SLC35F5: variants seen among roughly 807,000 people sequenced by gnomAD.
SLC35F5 encodes solute carrier family 35 member F5.
SLC35F5 carries 54 observed loss-of-function variants against 68.6 expected under a neutral mutation model. The observed-to-expected ratio is 0.79, with a 90% CI of 0.63 to 0.99. The LOEUF (loss-of-function observed/expected upper bound fraction) is 0.99, where lower values mean the gene tolerates loss of function less well. Among genes scored for constraint, SLC35F5 ranks in the 50% least tolerant of loss-of-function variants. The pLI, the probability that SLC35F5 is intolerant of heterozygous loss-of-function variation, is 0.00. For missense variants in SLC35F5, 567 were observed against 626.9 expected, an observed-to-expected ratio of 0.90 and a Z score of 1.02; for synonymous variants, 211 against 205.2, an observed-to-expected ratio of 1.03 and a Z score of -0.24.
At chr2:113,747,955 G>A (rs1272386538) in intron 4 of SLC35F5, among the ~76,000 whole-genome samples, 1 of 152,060 alleles carries the variant, frequency 6.6e-6, no homozygotes, top group Admixed American at 6.6e-5. Flanking sequence ...AGCCGGGCAT[G>A]GTGGCGGGCA....
Position 113,715,114 on chromosome 2 carries a change from T to A in SLC35F5, c.*104A>T. 1 of 152,350 alleles carries A rather than the reference T, an allele frequency of 6.6e-6. No homozygotes were observed. Among genetic ancestry groups the A allele is most frequent in the Non-Finnish European group, 1.5e-5 (1 of 68,020 alleles). 9.4% of individuals were successfully genotyped at this position (152,350 alleles called of 1,614,324 possible). A position where few individuals can be genotyped will look rare whatever the true frequency, so the allele number is the denominator to read the frequency against. On this transcript the variant is annotated 3_prime_UTR_variant, in exon 16 of 16. Transcript: ENST00000245680. ...GAGTTTCAAAGAACTCAAACTGTTA[T>A]TTTTCAGACTAGGCACTGAAACATT...
rs994643877 is a variant in SLC35F5 at position 113,710,233 on chromosome 2, T to C, written c.*4985A>G. ...ACTTAGGAGTATGCATATTAAAATA[T>C]ATATATAACTTAACACTATGCTACT... is the stretch of plus-strand genomic sequence containing the variant. On this transcript the variant is annotated 3_prime_UTR_variant, in exon 16 of 16. Transcript: ENST00000245680. 6.6e-6 allele frequency among the ~76,000 whole-genome samples: 1 copy of C among 152,204 alleles called. No individual in the cohort carries two copies. Among genetic ancestry groups the C allele is most frequent in the Non-Finnish European group, 1.5e-5 (1 of 68,028 alleles).
At chr2:113,751,318 G>A (rs558875733) in intron 3 of SLC35F5, among the ~76,000 whole-genome samples, 35 of 152,258 alleles carry the variant, frequency 2.3e-4, no homozygotes, top group African/African-American at 8.2e-4. Flanking sequence ...TCAAGGTTAT[G>A]GACGTTTCCC....
downstream of SLC35F5, chr2:113,703,738 G>A (rs1686739256): frequency 6.6e-6 from 1 of 152,138 alleles, no homozygotes; most frequent in African/African-American, 2.4e-5. Flanking sequence ...ACGGCCCTGA[G>A]AAGAAAAACT....
chr2:113,743,147 T>C (rs1230160706), intron 6 of SLC35F5, among the ~76,000 whole-genome samples: 2 of 152,250 alleles, frequency 1.3e-5, no homozygotes, highest in Admixed American at 6.5e-5. Flanking sequence ...GTACTGTATA[T>C]ACATAACTGC....
At position 113,744,397 on chromosome 2, in the gene SLC35F5, T is replaced by C. The variant is rs185510993; in HGVS notation, c.481-603A>G. Among the ~76,000 whole-genome samples, 71 of 152,328 alleles carry C rather than the reference T, an allele frequency of 4.7e-4. No individual in the cohort carries two copies. In the East Asian group the frequency reaches 0.012, roughly 26 times the overall value. On this transcript the variant is annotated intron_variant, in intron 5 of 15. Coordinates refer to ENST00000245680, the MANE Select transcript of SLC35F5 (RefSeq NM_025181.5). ...ACTACTTACCAGTTCTTACTGTGTA[T>C]TGAGTACCAACTCTAGAGCAGTTAA...
chr2:113,743,655 A>T, intron 6 of SLC35F5, 58 bp downstream of exon 6: 1 of 1,385,916 alleles, frequency 7.2e-7, no homozygotes, highest in Non-Finnish European at 1.0e-6. Context: ...ATCATCACTA[A>T]GTTCTGAAGT....
rs753736115 is a variant in SLC35F5, at chr2:113,742,689, T to A, written c.750+3A>T. The A allele has an allele frequency of 3.7e-6, 6 of 1,613,600 alleles. No individual in the cohort carries two copies. In the Admixed American group the frequency reaches 8.3e-5, roughly 22 times the overall value. ...ATATGCAAACATATCATAAAAGACCTACCACAAAGCAAAAAAAAAAGCTAA... is the reference window on the plus strand; with the variant it reads ...ATATGCAAACATATCATAAAAGACCAACCACAAAGCAAAAAAAAAAGCTAA... On this transcript the variant is annotated splice_donor_region_variant and intron_variant, in intron 7 of 15. Coordinates refer to ENST00000245680, the MANE Select transcript of SLC35F5 (RefSeq NM_025181.5).
intron 7 of SLC35F5, among the ~76,000 whole-genome samples, chr2:113,737,476 C>T (rs182031175): frequency 1.3e-4 from 20 of 152,234 alleles, no homozygotes; most frequent in African/African-American, 3.9e-4. Flanking sequence ...ATCTGCATGC[C>T]GATGAAGTGC....
intron 11 of SLC35F5, among the ~76,000 whole-genome samples, chr2:113,726,053 G>A (rs976085376): frequency 6.6e-6 from 1 of 152,180 alleles, no homozygotes; most frequent in African/African-American, 2.4e-5. Flanking sequence ...TAGTGAGAAA[G>A]TATGTACACA....
intron 5 of SLC35F5, among the ~76,000 whole-genome samples, chr2:113,745,175 T>C (rs1185052001): frequency 2.0e-5 from 3 of 152,086 alleles, no homozygotes; most frequent in African/African-American, 4.8e-5. Context: ...AGTACAAGAG[T>C]AGCCAGAAGA....
At chr2:113,727,783 C>A (rs915560069) in intron 11 of SLC35F5, among the ~76,000 whole-genome samples, 3 of 151,572 alleles carry the variant, frequency 2.0e-5, no homozygotes, top group Non-Finnish European at 4.4e-5. Context: ...TATCACATCA[C>A]ATATGAACAG....
At chr2:113,715,597 C>T (rs3816384) in intron 15 of SLC35F5, among the ~76,000 whole-genome samples, 106,160 of 151,998 alleles carry the variant, frequency 0.7, 37,714 homozygotes, top group Middle Eastern at 0.82. Context: ...AGTGTGAGTA[C>T]GAGAACAATG....
chr2:113,756,419 G>A lies in SLC35F5; in HGVS notation c.-10C>T, dbSNP rs140537010. 201 of 1,550,094 alleles carry A rather than the reference G, an allele frequency of 1.3e-4. No individual in the cohort carries two copies. The highest frequency in any genetic ancestry group is 1.7e-4 in the Non-Finnish European group (193 of 1,149,284). On this transcript the variant is annotated 5_prime_UTR_variant, in exon 1 of 16. Coordinates refer to ENST00000245680, the MANE Select transcript of SLC35F5 (RefSeq NM_025181.5). ...GTCGTGGCGGCACCATGAGCGGACC[G>A]GTCAGGCCCCGCAGCCGCCCAGCGC...
chr2:113,747,492 G>A (rs959275761), intron 4 of SLC35F5, among the ~76,000 whole-genome samples: 1 of 152,194 alleles, frequency 6.6e-6, no homozygotes, highest in Non-Finnish European at 1.5e-5. Flanking sequence ...AGCCCATGCT[G>A]TAAAAGAACC....
Position 113,746,333 on chromosome 2 carries a change from C to G in SLC35F5, c.424G>C (p.Asp142His). 1 of 1,612,092 alleles carries G rather than the reference C, an allele frequency of 6.2e-7. No homozygotes were observed. Among genetic ancestry groups the G allele is most frequent in the Non-Finnish European group, 8.5e-7 (1 of 1,178,740 alleles). Residue 142 changes from aspartate to histidine, a missense_variant, in exon 5 of 16, where the codon GAT becomes CAT. Transcript: ENST00000245680. The stretch of plus-strand genomic sequence containing the variant: ...CAAGCAGCAAAGTAACCTTCAGCAT[C>G]TGCAAACTAAATACAGATAACAAGA... ...LRGKHAAFFADAEGYFAACTT... is the reference protein window; with the variant it reads ...LRGKHAAFFAHAEGYFAACTT...
intron 7 of SLC35F5, among the ~76,000 whole-genome samples, 194 bp from the exon 8 acceptor site, chr2:113,736,052 C>T (rs1289390480): frequency 1.3e-5 from 2 of 151,366 alleles, no homozygotes; most frequent in Admixed American, 6.6e-5. Context: ...GACCATGCTA[C>T]CCAATTTCCC....
chr2:113,733,162 C>T (rs1269585946), intron 9 of SLC35F5, among the ~76,000 whole-genome samples: 2 of 152,046 alleles, frequency 1.3e-5, no homozygotes, highest in Non-Finnish European at 2.9e-5. Context: ...ATATTTTAGG[C>T]TTCTGGGCCA....
chr2:113,742,658 A>C, intron 7 of SLC35F5, 34 bp downstream of exon 7: 1 of 1,605,476 alleles, frequency 6.2e-7, no homozygotes, highest in Non-Finnish European at 8.5e-7. Context: ...TCAAGTTTCA[A>C]ACATCATATG....
Sources: gnomAD v4.1 joint callset for allele counts (sites outside exome capture counted in the v4.1 genomes callset) on GRCh38, gnomAD v4.1.1 for gene constraint, MANE v1.5 for transcripts, NCBI Gene and HGNC (gene_info 2026-07-23, HGNC 2026-07-21) for gene names.